Variants in GFM1 observed in about 807,000 individuals in gnomAD.
GFM1 encodes G elongation factor mitochondrial 1.
In GFM1, 62 loss-of-function variants were observed where a neutral mutation model predicts 96.2. The observed-to-expected ratio is 0.64, with a 90% CI of 0.53 to 0.80. The LOEUF (loss-of-function observed/expected upper bound fraction) is 0.80, where lower values mean the gene tolerates loss of function less well. GFM1 is among the 30% of genes least tolerant of loss of function. The pLI, the probability that GFM1 is intolerant of heterozygous loss-of-function variation, is 0.00. For missense variants in GFM1, 852 were observed against 916.6 expected (o/e 0.93, Z 0.91); for synonymous variants, 282 against 312.9 (o/e 0.90, Z 1.04).
intron 2 of GFM1, 177 bp downstream of exon 2, chr3:158,645,958 T>A: frequency 2.4e-6 from 2 of 836,576 alleles, no homozygotes; most frequent in South Asian, 3.1e-5. Flanking sequence ...GTTTTATTTT[T>A]ATTTTTTATA....
intron 15 of GFM1, 101 bp from the exon 16 acceptor site, chr3:158,690,062 G>T (rs1726178334): frequency 1.9e-6 from 2 of 1,028,538 alleles, no homozygotes; most frequent in Non-Finnish European, 1.5e-6. Flanking sequence ...GTTTGTGTTT[G>T]TACCTTTGGG....
intron 17 of GFM1, 52 bp downstream of exon 17, chr3:158,691,244 A>G: frequency 6.2e-7 from 1 of 1,603,566 alleles, no homozygotes; most frequent in South Asian, 1.1e-5. Context: ...GAATGATCAT[A>G]TTATAAAATC....
intron 14 of GFM1, 179 bp downstream of exon 14, chr3:158,682,336 G>T (rs1173424970): frequency 6.8e-6 from 4 of 591,728 alleles, no homozygotes; most frequent in African/African-American, 1.9e-5. Context: ...AAGCAGAAGA[G>T]CTGTAAATCC....
chr3:158,661,650 A>G (rs940689868), intron 10 of GFM1, among the ~76,000 whole-genome samples: 4 of 151,968 alleles, frequency 2.6e-5, no homozygotes, highest in African/African-American at 7.3e-5. Flanking sequence ...TAGGAGAGCA[A>G]ACTCTCTTAC....
At chr3:158,656,015 T>C (rs1722723352) in intron 8 of GFM1, 1 of 435,978 alleles carries the variant, frequency 2.3e-6, no homozygotes, top group African/African-American at 2.0e-5. Context: ...GGTTTATTAT[T>C]TGATGCTTTT....
chr3:158,680,614 C>T (rs775110098), intron 13 of GFM1, among the ~76,000 whole-genome samples: 18 of 152,176 alleles, frequency 1.2e-4, no homozygotes, highest in Non-Finnish European at 2.2e-4. Context: ...GACCCTACCA[C>T]TTAATGCTCT....
Position 158,664,069 on chromosome 3 carries a change from T to C in GFM1, c.1381-1268T>C, listed in dbSNP as rs185195874. On this transcript the variant is annotated intron_variant, in intron 11 of 17. Transcript: ENST00000486715. ...AATCACTTAACCTCTCTGTACCTCA[T>C]TTCCTCACCTGTAAAATGTGGATAA... Among the ~76,000 whole-genome samples the C allele has an allele frequency of 3.0e-3, 450 of 152,320 alleles. 1 individual carries two copies. Among genetic ancestry groups the C allele is most frequent in the Non-Finnish European group, 4.6e-3 (314 of 68,026 alleles).
rs200818012 is a variant in GFM1 at position 158,666,364 on chromosome 3, G to A, written c.1579G>A (p.Glu527Lys). The A allele has an allele frequency of 6.2e-7, 1 of 1,613,676 alleles. No individual in the cohort carries two copies. Among genetic ancestry groups the A allele is most frequent in the East Asian group, 2.2e-5 (1 of 44,862 alleles). The change falls in exon 13 of 18, where the codon GAG becomes AAG. Residue 527 changes from glutamate (E) to lysine (K), a missense_variant. Transcript: ENST00000486715. ...ITGKPKVAFR[E>K]TITAPVPFDF... is the part of the protein sequence containing the mutation. Reference sequence around the variant, plus strand: ...AGGAAAGCCAAAAGTTGCCTTTCGAGAGACCATTACTGCCCCTGTCCCGTA... The same window carrying A: ...AGGAAAGCCAAAAGTTGCCTTTCGAAAGACCATTACTGCCCCTGTCCCGTA...
At chr3:158,667,163 G>T (rs1723787389) in intron 13 of GFM1, 4 of 1,295,816 alleles carry the variant, frequency 3.1e-6, no homozygotes, top group Non-Finnish European at 3.1e-6. Context: ...TTGATTAGAT[G>T]AATATAATAT....
At chr3:158,653,488 C>G in intron 7 of GFM1, 21 bp downstream of exon 7, 1 of 1,576,240 alleles carries the variant, frequency 6.3e-7, no homozygotes, top group East Asian at 2.2e-5. Context: ...AAAATTGAAT[C>G]TTAGTTTATG....
intron 13 of GFM1, chr3:158,672,515 T>G: frequency 2.5e-6 from 4 of 1,611,734 alleles, no homozygotes; most frequent in Non-Finnish European, 3.4e-6. Flanking sequence ...TGGGCTACTC[T>G]GGCTTAACGG....
intron 3 of GFM1, 58 bp downstream of exon 3, chr3:158,646,355 T>C: frequency 6.3e-7 from 1 of 1,579,206 alleles, no homozygotes; most frequent in Non-Finnish European, 8.7e-7. Flanking sequence ...TTTGGTTCTT[T>C]CTCTTACTGT....
At chr3:158,689,604 G>C (rs1434960204) in intron 15 of GFM1, among the ~76,000 whole-genome samples, 1 of 152,008 alleles carries the variant, frequency 6.6e-6, no homozygotes, top group African/African-American at 2.4e-5. Context: ...TCGAAAGCCT[G>C]TGTCTACTAA....
chr3:158,654,451 T>C, intron 7 of GFM1, 96 bp from the exon 8 acceptor site: 1 of 764,602 alleles, frequency 1.3e-6, no homozygotes, highest in Non-Finnish European at 2.2e-6. Context: ...CCCACACACG[T>C]GCTTTTTCTC....
Position 158,692,063 on chromosome 3 carries a change from A to G in GFM1, c.*596A>G, listed in dbSNP as rs1393001226. On this transcript the variant is annotated 3_prime_UTR_variant, in exon 18 of 18. Coordinates refer to ENST00000486715, the MANE Select transcript of GFM1 (RefSeq NM_024996.7). ...TAATGGGCAGGCTTTTCTGTTGAAG[A>G]GTGGATTCCGTATGTTCTTCATAGA... 6.5e-6 allele frequency: 1 copy of G among 152,866 alleles called. No individual in the cohort carries two copies. The highest frequency in any genetic ancestry group is 1.5e-5 in the Non-Finnish European group (1 of 68,602). 9.5% of individuals were successfully genotyped at this position (152,866 alleles called of 1,614,324 possible). A position where few individuals can be genotyped will look rare whatever the true frequency, so the allele number is the denominator to read the frequency against.
Position 158,665,582 on chromosome 3 carries a change from C to T in GFM1, c.1518+108C>T, listed in dbSNP as rs1190376750. On this transcript the variant is annotated intron_variant, in intron 12 of 17. Transcript: ENST00000486715. ...CTGTAACTAACTCTGGTTCTTCATG[C>T]GTCACTCTGGTTTGTATCCAGATGT... 59 of 940,232 alleles carry T rather than the reference C, an allele frequency of 6.3e-5. No individual in the cohort carries two copies. In the East Asian group the frequency reaches 1.2e-3, roughly 19 times the overall value. The allele number at this position is 940,232 out of a possible 1,614,324, so 58.2% of individuals were successfully genotyped here. A position where few individuals can be genotyped will look rare whatever the true frequency, so the allele number is the denominator to read the frequency against.
chr3:158,669,759 G>C (rs376464366), intron 13 of GFM1: 2 of 704,340 alleles, frequency 2.8e-6, no homozygotes, highest in African/African-American at 1.8e-5. Context: ...ATCTAATTGG[G>C]CCTGGCCTAT....
intron 5 of GFM1, chr3:158,649,629 A>G: frequency 4.5e-6 from 1 of 221,092 alleles, no homozygotes; most frequent in Non-Finnish European, 9.0e-6. Context: ...AACAGTTAAA[A>G]TTGTACAAAT....
In GFM1 at chr3:158,684,545, A is replaced by G. The variant is rs150650052; in HGVS notation, c.1786A>G (p.Lys596Glu). 24 of 1,613,950 alleles carry G rather than the reference A, an allele frequency of 1.5e-5. No homozygotes were observed. The highest frequency in any genetic ancestry group is 1.8e-5 in the Non-Finnish European group (21 of 1,179,992). The part of the protein sequence containing the change: ...VEKGFLDACE[K>E]GPLSGHKLSG... ...ACAGGGGTTTTTAGATGCCTGCGAG[A>G]AGGGCCCTCTTTCTGGTCACAAGCT... The change falls in exon 15 of 18, where the codon AAG (lysine) becomes GAG (glutamate). Residue 596 changes from lysine to glutamate, a missense_variant. Lys to Glu is a moderately conservative substitution (Grantham distance 56). Transcript: ENST00000486715.
Sources: gnomAD v4.1 joint callset for allele counts (sites outside exome capture counted in the v4.1 genomes callset) on GRCh38, gnomAD v4.1.1 for gene constraint, MANE v1.5 for transcripts, NCBI Gene and HGNC (gene_info 2026-07-23, HGNC 2026-07-21) for gene names.